Variants in GOLM2 observed in about 807,000 individuals in gnomAD.
GOLM2 encodes golgi membrane protein 2.
GOLM2 carries 26 observed loss-of-function variants against 55.9 expected under a neutral mutation model. The observed-to-expected ratio is 0.47, with a 90% CI of 0.34 to 0.65. The LOEUF (loss-of-function observed/expected upper bound fraction) is 0.65, where lower values mean the gene tolerates loss of function less well. Ranked by LOEUF, GOLM2 falls within the 30% of genes least tolerant of loss-of-function variation. GOLM2 has a pLI of 0.01. For missense variants in GOLM2, 486 were observed against 531.8 expected (o/e 0.91, Z 0.85); for synonymous variants, 165 against 194.6 (o/e 0.85, Z 1.27).
intron 1 of GOLM2, among the ~76,000 whole-genome samples, chr15:44,321,500 T>C (rs1028266147): frequency 2.1e-5 from 3 of 144,512 alleles, no homozygotes; most frequent in African/African-American, 7.7e-5. Context: ...GGTGGGGGGA[T>C]AGCATGAGGG....
chr15:44,363,626 G>GA (rs774438877), intron 6 of GOLM2, among the ~76,000 whole-genome samples: 1 of 152,136 alleles, frequency 6.6e-6, no homozygotes. Flanking sequence ...CATTGTGGAA[G>GA]CAGTGTGGCG....
At chr15:44,350,766 A>G (rs1342203555) in intron 6 of GOLM2, among the ~76,000 whole-genome samples, 1 of 152,206 alleles carries the variant, frequency 6.6e-6, no homozygotes, top group South Asian at 2.1e-4. Context: ...TATTAAAAAG[A>G]TCATGTATCA....
chr15:44,369,881 T>A (rs921557043), intron 6 of GOLM2, among the ~76,000 whole-genome samples: 1 of 152,116 alleles, frequency 6.6e-6, no homozygotes, highest in Non-Finnish European at 1.5e-5. Context: ...ATATATGATC[T>A]GAATAAAGGG....
intron 2 of GOLM2, among the ~76,000 whole-genome samples, chr15:44,327,407 T>C (rs2078991546): frequency 6.6e-6 from 1 of 151,930 alleles, no homozygotes; most frequent in Admixed American, 6.6e-5. Context: ...CGTATATATC[T>C]ATATCTCCCT....
At chr15:44,361,567 GAA>G (rs2079239708) in intron 6 of GOLM2, among the ~76,000 whole-genome samples, 1 of 151,988 alleles carries the variant, frequency 6.6e-6, no homozygotes. Flanking sequence ...GCTTACCAAC[GAA>G]AAAGAGTCCA....
At chr15:44,327,179 G>C (rs1451501623) in intron 2 of GOLM2, among the ~76,000 whole-genome samples, 1 of 151,124 alleles carries the variant, frequency 6.6e-6, no homozygotes, top group Non-Finnish European at 1.5e-5. Flanking sequence ...TCGAACTCCT[G>C]ACCTCAGGCG....
intron 6 of GOLM2, among the ~76,000 whole-genome samples, chr15:44,354,460 T>TA (rs970364531): frequency 1.9e-4 from 29 of 150,854 alleles, no homozygotes; most frequent in African/African-American, 7.1e-4. Flanking sequence ...AATAATAAAA[T>TA]AAAAATAAAT....
At chr15:44,395,616 C>T (rs148580207) in intron 8 of GOLM2, among the ~76,000 whole-genome samples, 4,300 of 151,528 alleles carry the variant, frequency 0.028, 229 homozygotes, top group African/African-American at 0.1. Flanking sequence ...CCAAGGCGGG[C>T]GAATCACAAG....
At chr15:44,376,989 C>T (rs1465170996) in intron 6 of GOLM2, among the ~76,000 whole-genome samples, 1 of 152,056 alleles carries the variant, frequency 6.6e-6, no homozygotes, top group East Asian at 1.9e-4. Flanking sequence ...GCATAGAAAT[C>T]AAAGTGTTTA....
In GOLM2 at chr15:44,403,003, C is replaced by T. The variant is rs1481082708; in HGVS notation, c.1189C>T (p.Leu397=). Residue 397 remains leucine, a synonymous_variant, in exon 9 of 10, where the codon CTG becomes TTG. Transcript: ENST00000299957. ...GTATGAGGCAGACAAGCAGGCTGAG[C>T]TGGCTTACAATGAGGAAGAAGATGG... The part of the protein sequence containing the change: ...GEYEADKQAE[L]AYNEEEDGDG... 3 of 1,614,024 alleles carry T rather than the reference C, an allele frequency of 1.9e-6. No individual in the cohort carries two copies. The South Asian group carries it at 3.3e-5, about 18-fold the overall frequency.
At chr15:44,317,204 C>T (rs1408128347) in intron 1 of GOLM2, among the ~76,000 whole-genome samples, 1 of 151,060 alleles carries the variant, frequency 6.6e-6, no homozygotes, top group Non-Finnish European at 1.5e-5. Context: ...GAGACCCCCC[C>T]ATCTCTACAA....
chr15:44,404,621 T>A (rs1204400078), intron 9 of GOLM2, among the ~76,000 whole-genome samples: 1 of 152,170 alleles, frequency 6.6e-6, no homozygotes, highest in African/African-American at 2.4e-5. Context: ...CAATTATTTA[T>A]AACGTTTTAA....
intron 6 of GOLM2, among the ~76,000 whole-genome samples, chr15:44,360,233 C>T (rs551099459): frequency 6.6e-6 from 1 of 152,018 alleles, no homozygotes; most frequent in African/African-American, 2.4e-5. Flanking sequence ...GGACTAAATG[C>T]TCCAATTAAA....
At chr15:44,341,211 G>T (rs998609707) in intron 6 of GOLM2, among the ~76,000 whole-genome samples, 1 of 151,342 alleles carries the variant, frequency 6.6e-6, no homozygotes. Flanking sequence ...CTCCCGAGTA[G>T]CTGGGACTAC....
intron 1 of GOLM2, among the ~76,000 whole-genome samples, chr15:44,304,570 T>C (rs2078823235): frequency 6.6e-6 from 1 of 151,960 alleles, no homozygotes; most frequent in Non-Finnish European, 1.5e-5. Flanking sequence ...TTTCTAGTTC[T>C]CTCTCTTTCT....
At chr15:44,403,095 C>T (rs1250374353) in intron 9 of GOLM2, 41 bp downstream of exon 9, 2 of 1,607,670 alleles carry the variant, frequency 1.2e-6, no homozygotes, top group Non-Finnish European at 1.7e-6. Flanking sequence ...CCATGAAACC[C>T]ACCTCTAAGT....
At chr15:44,317,891 G>A (rs1465201139) in intron 1 of GOLM2, among the ~76,000 whole-genome samples, 1 of 152,106 alleles carries the variant, frequency 6.6e-6, no homozygotes, top group Non-Finnish European at 1.5e-5. Flanking sequence ...CATACTTGAT[G>A]TTTCTCCTTT....
chr15:44,390,536 A>T (rs377022343), intron 8 of GOLM2: 1 of 152,212 alleles, frequency 6.6e-6, no homozygotes, highest in African/African-American at 2.4e-5. Context: ...AGTGTATCAC[A>T]GAATACCTGA....
intron 6 of GOLM2, among the ~76,000 whole-genome samples, chr15:44,352,548 CAAAGA>C (rs1387189898): frequency 6.6e-6 from 1 of 151,972 alleles, no homozygotes; most frequent in African/African-American, 2.4e-5. Flanking sequence ...CACAGGCAAC[CAAAGA>C]AAAGATGGAC....
Sources: gnomAD v4.1 joint callset for allele counts (sites outside exome capture counted in the v4.1 genomes callset) on GRCh38, gnomAD v4.1.1 for gene constraint, MANE v1.5 for transcripts, NCBI Gene and HGNC (gene_info 2026-07-23, HGNC 2026-07-21) for gene names.